Variants in TMPRSS15 observed in about 807,000 individuals in gnomAD.
TMPRSS15 encodes transmembrane serine protease 15.
In TMPRSS15, 128 loss-of-function variants were observed where a neutral mutation model predicts 125.3. The observed-to-expected ratio is 1.02, with a 90% CI of 0.89 to 1.18. The LOEUF is 1.18. TMPRSS15 is among the 50% of genes most tolerant of loss of function. TMPRSS15 has a pLI of 0.00. For synonymous variants in TMPRSS15, 446 were observed against 423.2 expected (o/e 1.05, Z -0.66); for missense variants, 1,283 against 1,212.7 (o/e 1.06, Z -0.86).
chr21:18,441,661 CATTATTATTATTATT>C (rs113071625), intron 1 of TMPRSS15, among the ~76,000 whole-genome samples: 146 of 134,700 alleles, frequency 1.1e-3, no homozygotes, highest in African/African-American at 3.0e-3. Flanking sequence ...CTTTAGGACA[CATTATTATTATTATT>C]ATTATTATTA....
intron 1 of TMPRSS15, among the ~76,000 whole-genome samples, chr21:18,398,957 A>G (rs1188921608): frequency 6.6e-6 from 1 of 151,414 alleles, no homozygotes; most frequent in Non-Finnish European, 1.5e-5. Flanking sequence ...CCTCACTAGG[A>G]AAAAAAAATG....
chr21:18,396,888 A>G (rs549641947), intron 3 of TMPRSS15, among the ~76,000 whole-genome samples: 2 of 151,280 alleles, frequency 1.3e-5, no homozygotes, highest in South Asian at 4.2e-4. Context: ...TAGAGATTCA[A>G]CCAGTGAGTT....
intron 12 of TMPRSS15, among the ~76,000 whole-genome samples, chr21:18,342,073 C>T (rs2075452438): frequency 6.6e-6 from 1 of 152,058 alleles, no homozygotes; most frequent in Admixed American, 6.6e-5. Context: ...ACAGTTCACC[C>T]AGGGTGTTGA....
At chr21:18,424,653 C>T (rs555202343) in intron 1 of TMPRSS15, among the ~76,000 whole-genome samples, 13 of 151,924 alleles carry the variant, frequency 8.6e-5, no homozygotes, top group South Asian at 4.2e-4. Context: ...TGTAAAGAAC[C>T]GACAAAAGGA....
chr21:18,291,035 C>G (rs1376798469), intron 21 of TMPRSS15, among the ~76,000 whole-genome samples: 1 of 152,192 alleles, frequency 6.6e-6, no homozygotes, highest in East Asian at 1.9e-4. Flanking sequence ...TTGGCGTCTT[C>G]TTTCATAGAG....
chr21:18,444,046 G>A (rs1025157429), intron 1 of TMPRSS15, among the ~76,000 whole-genome samples: 6 of 152,088 alleles, frequency 3.9e-5, no homozygotes, highest in East Asian at 1.9e-4. Context: ...AGAAACATCC[G>A]GATGGCAGGG....
At chr21:18,329,402 T>C (rs1192443681) in intron 14 of TMPRSS15, 108 bp from the exon 15 acceptor site, 2 of 1,206,154 alleles carry the variant, frequency 1.7e-6, no homozygotes, top group Non-Finnish European at 2.3e-6. Context: ...CAATTTTTTT[T>C]CCACTTCATG....
chr21:18,480,519 C>T (rs1461874642), intron 1 of TMPRSS15, among the ~76,000 whole-genome samples: 1 of 151,760 alleles, frequency 6.6e-6, no homozygotes, highest in African/African-American at 2.4e-5. Context: ...TCAAATTCTA[C>T]CAAAACCGGC....
chr21:18,280,299 G>A (rs998634651), intron 22 of TMPRSS15, among the ~76,000 whole-genome samples: 12 of 152,136 alleles, frequency 7.9e-5, no homozygotes, highest in South Asian at 6.2e-4. Context: ...TATGAAGGCC[G>A]GGCACGGTGG....
chr21:18,416,893 A>T (rs188837123), intron 1 of TMPRSS15, among the ~76,000 whole-genome samples: 6 of 152,170 alleles, frequency 3.9e-5, no homozygotes, highest in African/African-American at 1.4e-4. Flanking sequence ...CAAATCATTG[A>T]TTCTCAAGTA....
intron 8 of TMPRSS15, 103 bp downstream of exon 8, chr21:18,359,654 C>A: frequency 1.7e-6 from 1 of 574,784 alleles, no homozygotes; most frequent in Admixed American, 3.2e-5. Flanking sequence ...TTATAAGTTT[C>A]AAGTCCATAT....
At chr21:18,304,367 G>T (rs2075006745) in intron 18 of TMPRSS15, among the ~76,000 whole-genome samples, 1 of 152,114 alleles carries the variant, frequency 6.6e-6, no homozygotes, top group East Asian at 1.9e-4. Context: ...CTACTGAAAT[G>T]AGTATATGAA....
chr21:18,272,224 T>G (rs1304531106), intron 24 of TMPRSS15, among the ~76,000 whole-genome samples: 1 of 152,154 alleles, frequency 6.6e-6, no homozygotes, highest in Non-Finnish European at 1.5e-5. Flanking sequence ...CTTGCCAGCA[T>G]CTATTGTTTC....
At chr21:18,419,192 T>C (rs2076186584) in intron 1 of TMPRSS15, among the ~76,000 whole-genome samples, 1 of 151,970 alleles carries the variant, frequency 6.6e-6, no homozygotes, top group African/African-American at 2.4e-5. Context: ...CAGTGAACTT[T>C]CTTGATAAGC....
At chr21:18,363,766 A>G (rs2075699576) in intron 7 of TMPRSS15, among the ~76,000 whole-genome samples, 1 of 152,086 alleles carries the variant, frequency 6.6e-6, no homozygotes, top group Admixed American at 6.6e-5. Flanking sequence ...AGATATATAA[A>G]CACATACAAA....
intron 6 of TMPRSS15, among the ~76,000 whole-genome samples, chr21:18,367,207 G>A (rs2075746883): frequency 6.6e-6 from 1 of 152,002 alleles, no homozygotes; most frequent in Admixed American, 6.6e-5. Context: ...CAAGAAGCAA[G>A]GATTAAATTC....
chr21:18,407,195 A>T (rs1731835984), upstream of TMPRSS15, among the ~76,000 whole-genome samples: 1 of 152,176 alleles, frequency 6.6e-6, no homozygotes, highest in Admixed American at 6.5e-5. Context: ...TAGAACAACA[A>T]GGTGTATTTG....
At chr21:18,446,135 A>C (rs1052288137) in intron 1 of TMPRSS15, among the ~76,000 whole-genome samples, 2 of 152,356 alleles carry the variant, frequency 1.3e-5, no homozygotes, top group East Asian at 3.9e-4. Flanking sequence ...TCAACATACA[A>C]AAATCAGTAG....
chr21:18,447,691 T>A (rs1255177386), intron 1 of TMPRSS15, among the ~76,000 whole-genome samples: 1 of 152,118 alleles, frequency 6.6e-6, no homozygotes, highest in Non-Finnish European at 1.5e-5. Flanking sequence ...GCTTTTTCCC[T>A]CCTTCATTCT....
Sources: gnomAD v4.1 joint callset for allele counts (sites outside exome capture counted in the v4.1 genomes callset) on GRCh38, gnomAD v4.1.1 for gene constraint, MANE v1.5 for transcripts, NCBI Gene and HGNC (gene_info 2026-07-23, HGNC 2026-07-21) for gene names.